EPS15: variants seen among roughly 807,000 people sequenced by gnomAD.
EPS15 encodes the protein epidermal growth factor receptor substrate 15.
In EPS15, 72 loss-of-function variants were observed where a neutral mutation model predicts 113.8. The ratio of observed to expected loss-of-function variants is 0.63; its 90% CI spans 0.52 to 0.77. The LOEUF is 0.77. Among genes scored for constraint, EPS15 ranks in the 30% least tolerant of loss-of-function variants. The pLI is 0.00. For missense variants in EPS15, 1,048 were observed against 1,045.8 expected (o/e 1.00, Z -0.03); for synonymous variants, 344 against 363.4 (o/e 0.95, Z 0.61).
At chr1:51,500,968 G>A (rs560025785) in intron 1 of EPS15, among the ~76,000 whole-genome samples, 1 of 149,546 alleles carries the variant, frequency 6.7e-6, no homozygotes, top group Admixed American at 6.7e-5. Context: ...TGGGCAACAA[G>A]AGTAAAACTC....
intron 21 of EPS15, among the ~76,000 whole-genome samples, chr1:51,385,392 T>C (rs924585342): frequency 1.1e-4 from 16 of 152,166 alleles, no homozygotes; most frequent in African/African-American, 3.1e-4. Context: ...AGGATGCCTA[T>C]AAAACAGAAA....
intron 24 of EPS15, among the ~76,000 whole-genome samples, chr1:51,357,376 GAAAA>G (rs56655497): frequency 0.024 from 788 of 33,078 alleles, 33 homozygotes; most frequent in African/African-American, 0.091. Flanking sequence ...GATTCCATCT[GAAAA>G]AAAAAAAAAA....
chr1:51,516,374 T>C (rs1275957952), intron 1 of EPS15, among the ~76,000 whole-genome samples: 1 of 152,224 alleles, frequency 6.6e-6, no homozygotes, highest in African/African-American at 2.4e-5. Context: ...TCCTAGCACA[T>C]ACTGAATGCT....
At chr1:51,428,282 G>C (rs1433175546) in intron 12 of EPS15, among the ~76,000 whole-genome samples, 4 of 152,152 alleles carry the variant, frequency 2.6e-5, no homozygotes, top group Non-Finnish European at 5.9e-5. Context: ...ATGCTAGACA[G>C]TAACTGAAAG....
intron 13 of EPS15, 84 bp downstream of exon 13, chr1:51,421,702 T>C (rs940311139): frequency 1.4e-6 from 1 of 739,998 alleles, no homozygotes. Flanking sequence ...TAATACTACA[T>C]CCAGCAAATA....
At chr1:51,495,002 A>G (rs561643207) in intron 1 of EPS15, among the ~76,000 whole-genome samples, 1 of 152,322 alleles carries the variant, frequency 6.6e-6, no homozygotes, top group South Asian at 2.1e-4. Context: ...TCTCCACAGC[A>G]ACTATGTCAG....
At chr1:51,441,591 C>T (rs1435243576) in intron 11 of EPS15, among the ~76,000 whole-genome samples, 1 of 152,050 alleles carries the variant, frequency 6.6e-6, no homozygotes, top group Non-Finnish European at 1.5e-5. Flanking sequence ...ACAACTTGCA[C>T]AACAGAAGAA....
chr1:51,361,539 C>T (rs1337058595), intron 23 of EPS15, among the ~76,000 whole-genome samples, 184 bp from the exon 24 acceptor site: 2 of 152,180 alleles, frequency 1.3e-5, no homozygotes, highest in Non-Finnish European at 2.9e-5. Context: ...CACACATGAT[C>T]TCTCAAATAG....
intron 12 of EPS15, chr1:51,423,595 T>C: frequency 4.1e-6 from 4 of 985,294 alleles, no homozygotes; most frequent in African/African-American, 1.7e-5. Context: ...TTTCTGAAAG[T>C]AGATAATAAC....
intron 19 of EPS15, 30 bp from the exon 20 acceptor site, chr1:51,399,195 C>G (rs751442250): frequency 1.3e-6 from 2 of 1,577,260 alleles, no homozygotes; most frequent in African/African-American, 2.7e-5. Context: ...ATATAAGAGA[C>G]AAAAAAAAAT....
chr1:51,505,119 CAAAAAAAAAA>C (rs111863434), intron 1 of EPS15, among the ~76,000 whole-genome samples: 2 of 138,194 alleles, frequency 1.4e-5, no homozygotes, highest in Non-Finnish European at 3.1e-5. Flanking sequence ...GACTGTGTCT[CAAAAAAAAAA>C]AAATCTGCAG....
At chr1:51,401,877 G>A (rs549763587) in intron 18 of EPS15, among the ~76,000 whole-genome samples, 3 of 152,196 alleles carry the variant, frequency 2.0e-5, no homozygotes, top group East Asian at 1.9e-4. Flanking sequence ...GGTGGCTCAC[G>A]CCTGTAATCC....
At chr1:51,376,591 G>C (rs1646805615) in intron 21 of EPS15, among the ~76,000 whole-genome samples, 1 of 152,150 alleles carries the variant, frequency 6.6e-6, no homozygotes, top group Admixed American at 6.5e-5. Context: ...TTGAACCTGG[G>C]AGGCAGAGGT....
At chr1:51,414,468 T>C (rs1264003841) in intron 13 of EPS15, among the ~76,000 whole-genome samples, 1 of 152,038 alleles carries the variant, frequency 6.6e-6, no homozygotes, top group African/African-American at 2.4e-5. Flanking sequence ...CCTTACTTTG[T>C]TCATAAAATT....
intron 1 of EPS15, among the ~76,000 whole-genome samples, chr1:51,509,462 C>T (rs185585643): frequency 1.1e-4 from 17 of 152,178 alleles, no homozygotes; most frequent in African/African-American, 3.9e-4. Context: ...TTATTTTATG[C>T]TAGTTCTCAA....
At chr1:51,460,316 A>G (rs1654346802) in intron 8 of EPS15, among the ~76,000 whole-genome samples, 1 of 152,226 alleles carries the variant, frequency 6.6e-6, no homozygotes, top group South Asian at 2.1e-4. Context: ...ATACAACCAT[A>G]TTTGGAATTA....
At chr1:51,443,932 G>A (rs1652811008) in intron 11 of EPS15, among the ~76,000 whole-genome samples, 1 of 152,108 alleles carries the variant, frequency 6.6e-6, no homozygotes, top group African/African-American at 2.4e-5. Context: ...ACAGGTGTGA[G>A]CCACTGTGCT....
chr1:51,388,592 G>A (rs1647160490), intron 21 of EPS15, among the ~76,000 whole-genome samples: 1 of 152,134 alleles, frequency 6.6e-6, no homozygotes, highest in African/African-American at 2.4e-5. Context: ...AAGAAAAAAA[G>A]AGAGAAGAAT....
rs1349416286 is a variant in EPS15 at position 51,448,086 on chromosome 1, G to C, written c.611C>G (p.Ser204Cys). The C allele has an allele frequency of 1.2e-6, 2 of 1,613,800 alleles. No homozygotes were observed. The highest frequency in any genetic ancestry group is 1.7e-6 in the Non-Finnish European group (2 of 1,179,792). The stretch of plus-strand genomic sequence containing the variant: ...TGGTGGCACCAAGGCTGGAGGCAAG[G>C]ACATTGGCACAGGTTCTTTCTCCAG... ...CALEKEPVPM[S>C]LPPALVPPSK... The change falls in exon 9 of 25, where the codon TCC (serine) becomes TGC (cysteine). Residue 204 changes from serine to cysteine, a missense_variant. Physicochemically the swap from Ser to Cys is moderately radical, Grantham distance 112 (BLOSUM62 -1). Transcript: ENST00000371733.
Sources: gnomAD v4.1 joint callset for allele counts (sites outside exome capture counted in the v4.1 genomes callset) on GRCh38, gnomAD v4.1.1 for gene constraint, MANE v1.5 for transcripts, NCBI Gene and HGNC (gene_info 2026-07-23, HGNC 2026-07-21) for gene names.